Variants in TMTC2 observed in about 807,000 individuals in gnomAD.
TMTC2 encodes the protein transmembrane O-mannosyltransferase targeting cadherins 2, also known as protein O-mannosyl-transferase TMTC2.
A neutral mutation model predicts 82.4 loss-of-function variants in TMTC2; 43 were observed. The ratio of observed to expected loss-of-function variants is 0.52; its 90% CI spans 0.41 to 0.67. The LOEUF is 0.67. Among genes scored for constraint, TMTC2 ranks in the 30% least tolerant of loss-of-function variants. The pLI is 0.00. For synonymous variants in TMTC2, 408 were observed against 381.9 expected (o/e 1.07, Z -0.80); for missense variants, 919 against 1,012.4 (o/e 0.91, Z 1.25).
intron 1 of TMTC2, among the ~76,000 whole-genome samples, chr12:82,853,198 G>T (rs545207635): frequency 6.6e-5 from 10 of 152,180 alleles, no homozygotes; most frequent in South Asian, 4.2e-4. Context: ...CACCTCGAGG[G>T]TTCAAGCAAT....
At chr12:83,010,386 T>G (rs1260957274) in intron 8 of TMTC2, among the ~76,000 whole-genome samples, 4 of 152,148 alleles carry the variant, frequency 2.6e-5, no homozygotes, top group Non-Finnish European at 5.9e-5. Flanking sequence ...ATCTGATCAG[T>G]GAGACGCCAG....
intron 8 of TMTC2, among the ~76,000 whole-genome samples, chr12:83,023,941 A>G (rs1881049732): frequency 6.6e-6 from 1 of 152,224 alleles, no homozygotes; most frequent in Non-Finnish European, 1.5e-5. Context: ...GAGGACAAAC[A>G]TTAATATCAG....
chr12:82,819,409 C>A (rs372528766), intron 1 of TMTC2, among the ~76,000 whole-genome samples: 31 of 151,832 alleles, frequency 2.0e-4, no homozygotes, highest in African/African-American at 7.5e-4. Context: ...TAGATAATCT[C>A]CAGTTTATCA....
chr12:82,698,589 T>C (rs1474314985), intron 1 of TMTC2, among the ~76,000 whole-genome samples: 6 of 152,304 alleles, frequency 3.9e-5, no homozygotes, highest in South Asian at 2.1e-4. Flanking sequence ...AGTGTATGCC[T>C]GAAACTGAGG....
chr12:82,726,206 T>A (rs1430450180), intron 1 of TMTC2, among the ~76,000 whole-genome samples: 1 of 152,206 alleles, frequency 6.6e-6, no homozygotes, highest in African/African-American at 2.4e-5. Flanking sequence ...CTGATGAGAA[T>A]TTATGATTTG....
At chr12:83,045,375 A>G (rs1018708122) in intron 9 of TMTC2, among the ~76,000 whole-genome samples, 11 of 152,336 alleles carry the variant, frequency 7.2e-5, no homozygotes, top group African/African-American at 2.6e-4. Context: ...TAGTAGCAAC[A>G]GTACACACAT....
chr12:82,820,768 A>G (rs747148979), intron 1 of TMTC2, among the ~76,000 whole-genome samples: 1 of 152,240 alleles, frequency 6.6e-6, no homozygotes, highest in Non-Finnish European at 1.5e-5. Context: ...CTTGCAAATA[A>G]TTAAAACACT....
chr12:82,967,375 T>C (rs1878258822), intron 7 of TMTC2, among the ~76,000 whole-genome samples: 1 of 152,074 alleles, frequency 6.6e-6, no homozygotes, highest in Non-Finnish European at 1.5e-5. Context: ...ATAATTTTTA[T>C]TAAAATTTAA....
chr12:83,098,536 C>T (rs1884107103), intron 11 of TMTC2, among the ~76,000 whole-genome samples: 1 of 152,176 alleles, frequency 6.6e-6, no homozygotes, highest in African/African-American at 2.4e-5. Context: ...CTGTATCTTT[C>T]CAAAACACAT....
At chr12:82,746,930 G>C (rs956312874) in intron 1 of TMTC2, among the ~76,000 whole-genome samples, 1 of 152,188 alleles carries the variant, frequency 6.6e-6, no homozygotes, top group Non-Finnish European at 1.5e-5. Context: ...TCTTGGAATA[G>C]CAAGGAAATG....
intron 10 of TMTC2, among the ~76,000 whole-genome samples, chr12:83,061,499 A>G (rs567990795): frequency 6.6e-6 from 1 of 151,856 alleles, no homozygotes; most frequent in Non-Finnish European, 1.5e-5. Flanking sequence ...TTTTGCATGG[A>G]AAAGTAGGAT....
chr12:82,847,657 A>T (rs1370371462), intron 1 of TMTC2, among the ~76,000 whole-genome samples: 1 of 152,176 alleles, frequency 6.6e-6, no homozygotes, highest in Non-Finnish European at 1.5e-5. Context: ...GACATGGATG[A>T]AGCTGGAAAC....
At chr12:82,703,841 A>G (rs942984134) in intron 1 of TMTC2, among the ~76,000 whole-genome samples, 2 of 152,120 alleles carry the variant, frequency 1.3e-5, no homozygotes, top group African/African-American at 4.8e-5. Context: ...AGCATCAAAT[A>G]AGCTTTTGAG....
At chr12:82,762,424 C>T (rs775358476) in intron 1 of TMTC2, among the ~76,000 whole-genome samples, 3 of 152,084 alleles carry the variant, frequency 2.0e-5, no homozygotes, top group Non-Finnish European at 4.4e-5. Context: ...TGTCGTTTAC[C>T]GTATACATAA....
At chr12:82,862,816 C>A (rs553785847) in intron 2 of TMTC2, among the ~76,000 whole-genome samples, 24 of 152,258 alleles carry the variant, frequency 1.6e-4, no homozygotes, top group African/African-American at 5.8e-4. Flanking sequence ...GTGTTCAGAT[C>A]AAAACTAACA....
At chr12:82,872,947 A>C (rs1872276922) in intron 2 of TMTC2, among the ~76,000 whole-genome samples, 1 of 152,358 alleles carries the variant, frequency 6.6e-6, no homozygotes, top group African/African-American at 2.4e-5. Flanking sequence ...AGAAAGACTT[A>C]GTATTTCTGC....
At chr12:82,855,551 G>T (rs1017638306) in intron 1 of TMTC2, among the ~76,000 whole-genome samples, 2 of 152,132 alleles carry the variant, frequency 1.3e-5, no homozygotes, top group Admixed American at 6.5e-5. Flanking sequence ...TAGTTCTGGA[G>T]TTCTCATTCC....
At chr12:82,947,313 G>A (rs1263238128) in intron 4 of TMTC2, among the ~76,000 whole-genome samples, 1 of 150,878 alleles carries the variant, frequency 6.6e-6, no homozygotes, top group African/African-American at 2.4e-5. Flanking sequence ...CTGGGTGTTG[G>A]AGCAGAGTGC....
chr12:82,931,268 A>G (rs887336661), intron 4 of TMTC2, among the ~76,000 whole-genome samples: 2 of 152,154 alleles, frequency 1.3e-5, no homozygotes, highest in South Asian at 4.2e-4. Context: ...ATCAAAGTAT[A>G]TATAGAATAT....
Sources: gnomAD v4.1 joint callset for allele counts (sites outside exome capture counted in the v4.1 genomes callset) on GRCh38, gnomAD v4.1.1 for gene constraint, MANE v1.5 for transcripts, NCBI Gene and HGNC (gene_info 2026-07-23, HGNC 2026-07-21) for gene names.